Variants in CAST observed in about 807,000 individuals in gnomAD.
The protein encoded by CAST is calpastatin, also known as MIR583 host.
A neutral mutation model predicts 119.6 loss-of-function variants in CAST; 76 were observed. The ratio of observed to expected loss-of-function variants is 0.64; its 90% CI spans 0.53 to 0.77. CAST has a LOEUF of 0.77. CAST is among the 30% of genes least tolerant of loss of function. The pLI, the probability that CAST is intolerant of heterozygous loss-of-function variation, is 0.00. For synonymous variants in CAST, 319 were observed against 331.6 expected (o/e 0.96, Z 0.41); for missense variants, 953 against 946.5 (o/e 1.01, Z -0.09).
At chr5:96,621,187 T>A (rs1448436742) in intron 1 of CAST, among the ~76,000 whole-genome samples, 1 of 152,236 alleles carries the variant, frequency 6.6e-6, no homozygotes, top group Non-Finnish European at 1.5e-5. Flanking sequence ...ATCTCTTGTC[T>A]TGTAGAAGAA....
intron 2 of CAST, among the ~76,000 whole-genome samples, chr5:96,683,807 T>C (rs562103966): frequency 6.6e-6 from 1 of 152,348 alleles, no homozygotes; most frequent in South Asian, 2.1e-4. Flanking sequence ...AAGCTACAAT[T>C]AAAACTCCTG....
At chr5:96,256,838 C>G in the CAST span, among the ~76,000 whole-genome samples, 1 of 152,076 alleles carries the variant, frequency 6.6e-6, no homozygotes, top group African/African-American at 2.4e-5. Context: ...GTTGTATTCC[C>G]TCTGCAGAAA....
At chr5:96,282,745 A>C in the CAST span, among the ~76,000 whole-genome samples, 1 of 152,318 alleles carries the variant, frequency 6.6e-6, no homozygotes, top group African/African-American at 2.4e-5. Context: ...ATAATTGCTA[A>C]ATCAGCCATT....
At chr5:96,202,940 ATTGATTTTTC>A in the CAST span, among the ~76,000 whole-genome samples, 2 of 152,010 alleles carry the variant, frequency 1.3e-5, no homozygotes, top group African/African-American at 2.4e-5. Context: ...AATAATTTTT[ATTGATTTTTC>A]TTGCAAAAAT....
intron 2 of CAST, among the ~76,000 whole-genome samples, chr5:96,678,803 C>T (rs1464723494): frequency 1.2e-4 from 18 of 151,968 alleles, no homozygotes; most frequent in Non-Finnish European, 1.8e-4. Context: ...GCCGAGATCA[C>T]GCCACTGCAC....
At chr5:96,571,423 A>G (rs980327845) in intron 1 of CAST, among the ~76,000 whole-genome samples, 3 of 152,166 alleles carry the variant, frequency 2.0e-5, no homozygotes, top group Non-Finnish European at 4.4e-5. Flanking sequence ...ATTTAGTATA[A>G]CAATACTATT....
chr5:96,053,468 T>A, the CAST span, among the ~76,000 whole-genome samples: 1 of 152,242 alleles, frequency 6.6e-6, no homozygotes, highest in Non-Finnish European at 1.5e-5. Context: ...ATTTCCATGA[T>A]AGACTTTGGA....
chr5:96,325,893 G>T, the CAST span, among the ~76,000 whole-genome samples: 3 of 152,136 alleles, frequency 2.0e-5, no homozygotes, highest in Admixed American at 6.5e-5. Flanking sequence ...TTTTGGCTGG[G>T]TATACAAAGA....
chr5:96,048,442 A>T, the CAST span, among the ~76,000 whole-genome samples: 1 of 152,172 alleles, frequency 6.6e-6, no homozygotes, highest in Non-Finnish European at 1.5e-5. Flanking sequence ...GGGGGCAGAA[A>T]GGGAAATGTT....
the CAST span, among the ~76,000 whole-genome samples, chr5:96,108,601 T>A: frequency 6.6e-6 from 1 of 151,194 alleles, no homozygotes; most frequent in African/African-American, 2.4e-5. Context: ...CCAGCTGCAT[T>A]CTGGGAGAAC....
the CAST span, among the ~76,000 whole-genome samples, chr5:96,291,472 CT>C: frequency 6.2e-3 from 934 of 151,402 alleles, 11 homozygotes; most frequent in African/African-American, 0.022. Flanking sequence ...TGTCAAATTC[CT>C]TTTTTTTTCC....
chr5:96,519,717 C>T, the CAST span, among the ~76,000 whole-genome samples: 1 of 152,156 alleles, frequency 6.6e-6, no homozygotes, highest in Non-Finnish European at 1.5e-5. Context: ...AGCGATTCTC[C>T]TGCCTCAGCC....
chr5:96,588,215 T>C (rs1746894174), intron 1 of CAST, among the ~76,000 whole-genome samples: 1 of 137,418 alleles, frequency 7.3e-6, no homozygotes. Context: ...TTTTTTTTTT[T>C]TTTTTGAGAT....
the CAST span, among the ~76,000 whole-genome samples, chr5:96,401,334 C>T: frequency 7.6e-4 from 115 of 152,156 alleles, no homozygotes; most frequent in East Asian, 0.018. Flanking sequence ...GGAGCAAAAG[C>T]ACCAAAGTGG....
At chr5:96,232,870 A>G in the CAST span, among the ~76,000 whole-genome samples, 1 of 152,142 alleles carries the variant, frequency 6.6e-6, no homozygotes, top group Non-Finnish European at 1.5e-5. Flanking sequence ...CTAGAAATGA[A>G]TGAAAATTTC....
chr5:96,670,341 C>G (rs761797784), intron 1 of CAST, among the ~76,000 whole-genome samples: 117 of 151,840 alleles, frequency 7.7e-4, no homozygotes, highest in Non-Finnish European at 1.5e-3. Context: ...TCCTTTCCTC[C>G]TAAAAGAAGC....
At chr5:95,973,770 G>A in the CAST span, among the ~76,000 whole-genome samples, 1 of 152,232 alleles carries the variant, frequency 6.6e-6, no homozygotes, top group Non-Finnish European at 1.5e-5. Flanking sequence ...CTGCAAGAAA[G>A]AAACAAATTC....
chr5:96,385,493 C>A, the CAST span, among the ~76,000 whole-genome samples: 17 of 152,314 alleles, frequency 1.1e-4, no homozygotes, highest in Middle Eastern at 0.01. Flanking sequence ...TTTAACCTTT[C>A]TGAATCTCAG....
the CAST span, among the ~76,000 whole-genome samples, chr5:96,075,236 G>C: frequency 1.3e-5 from 2 of 152,156 alleles, no homozygotes; most frequent in Admixed American, 1.3e-4. Context: ...CCCATGAAAT[G>C]ATTCAGTTCT....
Sources: allele counts gnomAD v4.1 joint callset (sites outside exome capture counted in the v4.1 genomes callset), GRCh38; gene constraint gnomAD v4.1.1; transcripts MANE v1.5; gene names NCBI Gene and HGNC (gene_info 2026-07-23, HGNC 2026-07-21).